The following PHF2 variants were observed in gnomAD, a reference collection of about 807,000 sequenced individuals.
PHF2 encodes the protein PHD finger protein 2.
A neutral mutation model predicts 120.5 loss-of-function variants in PHF2; 27 were observed. That is an observed-to-expected ratio of 0.22 (90% CI 0.17 to 0.31). The LOEUF (loss-of-function observed/expected upper bound fraction) is 0.31. Among genes scored for constraint, PHF2 ranks in the 10% least tolerant of loss-of-function variants. PHF2 has a pLI of 1.00. For synonymous variants in PHF2, 568 were observed against 592.5 expected (o/e 0.96, Z 0.60); for missense variants, 1,024 against 1,434.8 (o/e 0.71, Z 4.63).
At chr9:93,617,307 C>T (rs1341083320) in intron 1 of PHF2, among the ~76,000 whole-genome samples, 5 of 152,208 alleles carry the variant, frequency 3.3e-5, no homozygotes, top group African/African-American at 1.2e-4. Context: ...GGTCAGAATT[C>T]CATATCACCC....
chr9:93,615,166 A>G (rs891785782), intron 1 of PHF2, among the ~76,000 whole-genome samples: 1 of 66,012 alleles, frequency 1.5e-5, no homozygotes, highest in African/African-American at 4.1e-5. Context: ...GATGATGGTG[A>G]TGGTGATAGT....
intron 4 of PHF2, among the ~76,000 whole-genome samples, chr9:93,647,946 G>A (rs1051908326): frequency 9.9e-5 from 15 of 151,960 alleles, no homozygotes; most frequent in African/African-American, 3.6e-4. Context: ...CTAGTACATA[G>A]CTCTAGCAGA....
At chr9:93,594,321 A>G (rs1825291189) in intron 1 of PHF2, among the ~76,000 whole-genome samples, 1 of 152,116 alleles carries the variant, frequency 6.6e-6, no homozygotes, top group Admixed American at 6.5e-5. Context: ...AAGAGTTTTC[A>G]GTTGAAAAGG....
intron 1 of PHF2, among the ~76,000 whole-genome samples, chr9:93,614,562 C>A (rs1825690638): frequency 6.6e-6 from 1 of 152,224 alleles, no homozygotes. Context: ...TCCATCCTTT[C>A]TTTAAAGACA....
chr9:93,596,251 G>A (rs1192215730), intron 1 of PHF2, among the ~76,000 whole-genome samples: 3 of 152,090 alleles, frequency 2.0e-5, no homozygotes, highest in Admixed American at 6.5e-5. Context: ...CGAGTGGAGG[G>A]CAAGCTGCAT....
At chr9:93,601,712 G>C (rs756535959) in intron 1 of PHF2, among the ~76,000 whole-genome samples, 13 of 152,128 alleles carry the variant, frequency 8.5e-5, no homozygotes, top group Admixed American at 6.5e-5. Context: ...TATGAATCTC[G>C]TGGATTGCTT....
intron 10 of PHF2, 124 bp from the exon 11 acceptor site, chr9:93,659,387 G>A: frequency 2.7e-6 from 2 of 729,108 alleles, no homozygotes; most frequent in Admixed American, 4.6e-5. Context: ...GTTTGGCTCG[G>A]AAGCCCCTCG....
intron 1 of PHF2, among the ~76,000 whole-genome samples, chr9:93,579,888 G>A (rs1333783757): frequency 6.6e-6 from 1 of 152,212 alleles, no homozygotes; most frequent in Non-Finnish European, 1.5e-5. Context: ...TGCTTCTAGG[G>A]TGTTTGCCTA....
rs1342977374 is a variant in PHF2, at chr9:93,656,660, G to A, written c.1147+65G>A. On this transcript the variant is annotated intron_variant, in intron 9 of 21. Coordinates refer to ENST00000359246, the MANE Select transcript of PHF2 (RefSeq NM_005392.4). The surrounding 1 kb of genome is among the most constrained non-coding windows in gnomAD (Gnocchi z 4.1). ...CTTGGCTGTGGGGGCAGCCAGACCT[G>A]GTCAGGGCTGACTGTCTGGGTGTGA... The A allele has an allele frequency of 1.8e-6, 2 of 1,111,348 alleles. No homozygotes were observed. The highest frequency in any genetic ancestry group is 2.7e-6 in the Non-Finnish European group (2 of 732,756). The allele number at this position is 1,111,348 out of a possible 1,614,324, so 68.8% of individuals were successfully genotyped here.
intron 12 of PHF2, among the ~76,000 whole-genome samples, chr9:93,661,036 G>A (rs1423946389): frequency 1.3e-5 from 2 of 152,106 alleles, no homozygotes; most frequent in Admixed American, 1.3e-4. Context: ...AAACCTGAAG[G>A]TAGATGAGGT....
chr9:93,591,727 T>A (rs1212666111), intron 1 of PHF2, among the ~76,000 whole-genome samples: 1 of 152,210 alleles, frequency 6.6e-6, no homozygotes, highest in African/African-American at 2.4e-5. Flanking sequence ...GGATCCCCTC[T>A]GCCTCTGGCC....
chr9:93,646,180 C>A (rs1457668902), intron 4 of PHF2, among the ~76,000 whole-genome samples: 1 of 152,238 alleles, frequency 6.6e-6, no homozygotes, highest in Admixed American at 6.5e-5. Context: ...TCATCTGTAC[C>A]ATGACCTGCC....
At position 93,645,713 on chromosome 9, in the gene PHF2, C is replaced by T. The variant is rs756498380; in HGVS notation, c.384C>T (p.Leu128=). ...AGCACGGCTTCACCGAGCCCATCCT[C>T]GTCCCTAAGAAAGACGGGCTGGGTC... ...MEEHGFTEPI[L]VPKKDGLGLA... Residue 128 remains leucine, a synonymous_variant, in exon 4 of 22, where the codon CTC becomes CTT. Transcript: ENST00000359246. The T allele has an allele frequency of 6.2e-6, 10 of 1,612,636 alleles. No homozygotes were observed. Among genetic ancestry groups the T allele is most frequent in the Middle Eastern group, 1.9e-4 (1 of 5,290 alleles).
At chr9:93,669,709 A>G (rs1440693637) in intron 17 of PHF2, among the ~76,000 whole-genome samples, 1 of 152,180 alleles carries the variant, frequency 6.6e-6, no homozygotes, top group African/African-American at 2.4e-5. Context: ...ACTGTCCAGC[A>G]TGGGTAACTT....
intron 7 of PHF2, 128 bp from the exon 8 acceptor site, chr9:93,655,806 C>A (rs753653127): frequency 1.1e-4 from 69 of 650,818 alleles, no homozygotes; most frequent in Non-Finnish European, 1.5e-4. Context: ...TGTAGGCGGG[C>A]AGGAGCTGGA....
rs749621679 is a variant in PHF2, at chr9:93,660,273, G to A, written c.1411G>A (p.Glu471Lys). 6.2e-7 allele frequency: 1 copy of A among 1,609,484 alleles called. No individual in the cohort carries two copies. The highest frequency in any genetic ancestry group is 1.3e-5 in the African/African-American group (1 of 74,580). The change falls in exon 12 of 22, where the codon GAG (glutamate) becomes AAG (lysine). Residue 471 changes from glutamate to lysine, a missense_variant. This residue lies in a region of PHF2 where 677 missense variants were observed against 857.4 expected (regional missense o/e 0.79). Transcript: ENST00000359246. ...GTGTGACGGGGACCGGGAGAAGGAG[G>A]AGCCCCCGTCTCCCATTGAGGCCAC... ...EVCDGDREKE[E>K]PPSPIEATPP...
intron 1 of PHF2, among the ~76,000 whole-genome samples, chr9:93,613,560 CTTT>C (rs201420565): frequency 1.1e-4 from 14 of 129,028 alleles, no homozygotes; most frequent in Admixed American, 2.3e-4. Context: ...TTTTCTTTTT[CTTT>C]TTTTTTTTTT....
intron 1 of PHF2, among the ~76,000 whole-genome samples, chr9:93,602,596 C>T (rs1397654341): frequency 6.6e-6 from 1 of 151,886 alleles, no homozygotes; most frequent in Non-Finnish European, 1.5e-5. Flanking sequence ...TTTTTTCTAG[C>T]GTGTGTGAAT....
chr9:93,596,483 C>A (rs1423408452), intron 1 of PHF2, among the ~76,000 whole-genome samples: 1 of 152,068 alleles, frequency 6.6e-6, no homozygotes, highest in African/African-American at 2.4e-5. Flanking sequence ...ATATGGTGTG[C>A]TTCTTGGTGG....
Sources: gnomAD v4.1 joint callset for allele counts (sites outside exome capture counted in the v4.1 genomes callset) on GRCh38, gnomAD v4.1.1 for gene constraint, gnomAD v4.1.1 regional missense constraint, Gnocchi (gnomAD v3.1) non-coding constraint, MANE v1.5 for transcripts, NCBI Gene and HGNC (gene_info 2026-07-23, HGNC 2026-07-21) for gene names.